The following RNF180 variants were observed in gnomAD, a reference collection of about 807,000 sequenced individuals.
RNF180 encodes E3 ubiquitin-protein ligase RNF180.
Under a neutral mutation model 59.2 loss-of-function variants are expected in RNF180, and 38 were observed. The ratio of observed to expected loss-of-function variants is 0.64; its 90% CI spans 0.50 to 0.84. The LOEUF (loss-of-function observed/expected upper bound fraction) is 0.84. Ranked by LOEUF, RNF180 falls within the 40% of genes least tolerant of loss-of-function variation. The pLI is 0.00. For synonymous variants in RNF180, 262 were observed against 240.3 expected, an observed-to-expected ratio of 1.09 and a Z score of -0.84; for missense variants, 705 against 700.9, an observed-to-expected ratio of 1.01 and a Z score of -0.07.
intron 1 of RNF180, among the ~76,000 whole-genome samples, chr5:64,188,062 T>C (rs1750956420): frequency 6.6e-6 from 1 of 152,178 alleles, no homozygotes; most frequent in Non-Finnish European, 1.5e-5. Context: ...AGATTCAATA[T>C]CAGTAGGGTG....
chr5:64,214,377 C>A lies in RNF180; in HGVS notation c.1051C>A (p.His351Asn). The change falls in exon 4 of 8, where the codon CAC becomes AAC. Residue 351 changes from histidine to asparagine, a missense_variant. Transcript: ENST00000389100. ...SMPEASDQEE[H>N]LSPLDFLHSA... is the part of the protein sequence containing the mutation. ...GCCGGAGGCCTCAGACCAGGAAGAG[C>A]ACCTCTCCCCTCTGGACTTCCTGCA... 1 of 1,614,086 alleles carries A rather than the reference C, an allele frequency of 6.2e-7. No individual in the cohort carries two copies. Among genetic ancestry groups the A allele is most frequent in the Non-Finnish European group, 8.5e-7 (1 of 1,180,002 alleles).
intron 5 of RNF180, among the ~76,000 whole-genome samples, chr5:64,238,830 T>C (rs1742607063): frequency 6.6e-6 from 1 of 152,196 alleles, no homozygotes; most frequent in Admixed American, 6.6e-5. Flanking sequence ...AGAAGTTGTT[T>C]GAGTTTGATT....
intron 5 of RNF180, among the ~76,000 whole-genome samples, chr5:64,269,467 T>C (rs1245457718): frequency 1.3e-5 from 2 of 152,210 alleles, no homozygotes; most frequent in Non-Finnish European, 2.9e-5. Context: ...TTTGTTTCCA[T>C]GTGCCTCATA....
At chr5:64,363,969 G>C (rs1466881208) in intron 7 of RNF180, among the ~76,000 whole-genome samples, 8 of 151,684 alleles carry the variant, frequency 5.3e-5, no homozygotes, top group Admixed American at 4.6e-4. Context: ...TTGCTTATCA[G>C]CTTAAGAACT....
At chr5:64,235,327 T>G (rs1476418349) in intron 5 of RNF180, among the ~76,000 whole-genome samples, 1 of 152,032 alleles carries the variant, frequency 6.6e-6, no homozygotes, top group Non-Finnish European at 1.5e-5. Flanking sequence ...ATGAGTATCT[T>G]TACAGATAAT....
intron 5 of RNF180, among the ~76,000 whole-genome samples, chr5:64,250,955 C>A (rs1235646374): frequency 6.6e-6 from 1 of 152,120 alleles, no homozygotes; most frequent in African/African-American, 2.4e-5. Flanking sequence ...TGCAAAAATC[C>A]TCAGTAAAAT....
At chr5:64,244,138 A>G (rs1423860262) in intron 5 of RNF180, among the ~76,000 whole-genome samples, 2 of 152,194 alleles carry the variant, frequency 1.3e-5, no homozygotes, top group Non-Finnish European at 2.9e-5. Flanking sequence ...TGAGGAAAAA[A>G]CAGGACAAAA....
chr5:64,335,449 G>A (rs1394848699), intron 7 of RNF180, among the ~76,000 whole-genome samples: 1 of 151,636 alleles, frequency 6.6e-6, no homozygotes, highest in Non-Finnish European at 1.5e-5. Flanking sequence ...AAACTGATTT[G>A]TGTTAATTTT....
intron 5 of RNF180, among the ~76,000 whole-genome samples, chr5:64,282,949 A>AT (rs1263391593): frequency 2.6e-5 from 4 of 152,180 alleles, no homozygotes; most frequent in Non-Finnish European, 4.4e-5. Flanking sequence ...TATGTGCCAT[A>AT]TGCAGATGTG....
chr5:64,336,715 CTT>C (rs1745140842), intron 7 of RNF180, among the ~76,000 whole-genome samples: 1 of 152,122 alleles, frequency 6.6e-6, no homozygotes, highest in Non-Finnish European at 1.5e-5. Flanking sequence ...TCAGATGCCT[CTT>C]TTGTAGTTAC....
At chr5:64,228,317 C>A (rs1741896069) in intron 5 of RNF180, among the ~76,000 whole-genome samples, 2 of 151,974 alleles carry the variant, frequency 1.3e-5, no homozygotes, top group South Asian at 4.2e-4. Flanking sequence ...AGTTCAAGGC[C>A]AGCTGGAGCA....
chr5:64,208,923 A>C (rs1164577274), intron 2 of RNF180, among the ~76,000 whole-genome samples: 1 of 152,018 alleles, frequency 6.6e-6, no homozygotes, highest in Non-Finnish European at 1.5e-5. Context: ...AATTTTTTCT[A>C]AACATACCTC....
intron 5 of RNF180, among the ~76,000 whole-genome samples, chr5:64,315,963 C>T (rs1744020391): frequency 6.6e-6 from 1 of 152,218 alleles, no homozygotes; most frequent in Non-Finnish European, 1.5e-5. Context: ...TAAAGTCTGG[C>T]CCGCTGCCTT....
intron 5 of RNF180, among the ~76,000 whole-genome samples, chr5:64,292,859 G>T (rs1742675999): frequency 6.6e-6 from 1 of 152,218 alleles, no homozygotes; most frequent in South Asian, 2.1e-4. Flanking sequence ...GCCCCACCCA[G>T]TGAGGAGGGA....
At chr5:64,346,830 G>T (rs1221365314) in intron 7 of RNF180, among the ~76,000 whole-genome samples, 1 of 152,130 alleles carries the variant, frequency 6.6e-6, no homozygotes, top group Non-Finnish European at 1.5e-5. Context: ...TCAAGTTTAT[G>T]ATTACACTGC....
chr5:64,234,461 G>A (rs954854503), intron 5 of RNF180, among the ~76,000 whole-genome samples: 1 of 151,102 alleles, frequency 6.6e-6, no homozygotes, highest in Non-Finnish European at 1.5e-5. Flanking sequence ...ATGAGACTCT[G>A]TCTCAAAAAT....
chr5:64,359,576 T>A (rs1043203070), intron 7 of RNF180, among the ~76,000 whole-genome samples: 2 of 151,990 alleles, frequency 1.3e-5, no homozygotes, highest in African/African-American at 4.8e-5. Flanking sequence ...GTTCTCCCAT[T>A]CTGTAGGTTG....
chr5:64,202,966 T>A (rs141365279), intron 2 of RNF180, among the ~76,000 whole-genome samples: 51 of 152,320 alleles, frequency 3.3e-4, no homozygotes, highest in African/African-American at 1.2e-3. Flanking sequence ...ACCTCCACAC[T>A]CTCTGCTGCC....
At position 64,287,092 on chromosome 5, in the gene RNF180, G is replaced by A. The variant is rs573738832; in HGVS notation, c.1228-38094G>A. Among the ~76,000 whole-genome samples the A allele has an allele frequency of 1.4e-4, 22 of 152,122 alleles. No individual in the cohort carries two copies. In the East Asian group the frequency reaches 1.9e-3, roughly 13 times the overall value. Reference sequence around the variant, plus strand: ...AGCAGTTCTCCTGCCTCAGCCTCCCGAGTAGCTAGAATTACAGGCACCTGC... The same window carrying A: ...AGCAGTTCTCCTGCCTCAGCCTCCCAAGTAGCTAGAATTACAGGCACCTGC... On this transcript the variant is annotated intron_variant, in intron 5 of 7. Coordinates refer to ENST00000389100, the MANE Select transcript of RNF180 (RefSeq NM_001113561.2).
Sources: allele counts gnomAD v4.1 joint callset (sites outside exome capture counted in the v4.1 genomes callset), GRCh38; gene constraint gnomAD v4.1.1; transcripts MANE v1.5; gene names NCBI Gene and HGNC (gene_info 2026-07-23, HGNC 2026-07-21).